TPM4: variants seen among roughly 807,000 people sequenced by gnomAD.
TPM4 encodes the protein tropomyosin 4, also known as tropomyosin alpha-4 chain.
In TPM4, 17 loss-of-function variants were observed where a neutral mutation model predicts 35.8. The observed-to-expected ratio is 0.47, with a 90% CI of 0.32 to 0.71. The LOEUF is 0.71. Ranked by LOEUF, TPM4 falls within the 30% of genes least tolerant of loss-of-function variation. The pLI, the probability that TPM4 is intolerant of heterozygous loss-of-function variation, is 0.03. For missense variants in TPM4, 240 were observed against 320.9 expected (o/e 0.75, Z 1.93); for synonymous variants, 120 against 122.9 (o/e 0.98, Z 0.15).
Position 16,067,580 on chromosome 19 carries a change from C to T in TPM4, c.-45C>T. 2 of 1,573,118 alleles carry T rather than the reference C, an allele frequency of 1.3e-6. No homozygotes were observed. Among genetic ancestry groups the T allele is most frequent in the South Asian group, 1.1e-5 (1 of 89,094 alleles). On this transcript the variant is annotated 5_prime_UTR_variant, in exon 2 of 3. Coordinates refer to the TPM4 transcript ENST00000589897. This position sits in a 1 kb window ranked among gnomAD's most constrained non-coding sequence, Gnocchi z 4.1. ...CAGCCCCTGACTGCCGCAGCCCCCA[C>T]AGAGCCCGCCGCGCACCCCACGTCC...
chr19:16,088,055 G>T lies in TPM4; in HGVS notation c.413G>T (p.Gly138Val). The T allele has an allele frequency of 6.2e-7, 1 of 1,612,734 alleles. No individual in the cohort carries two copies. Among genetic ancestry groups the T allele is most frequent in the Non-Finnish European group, 8.5e-7 (1 of 1,179,656 alleles). ...EVARKLVILE[G>V]ELERAEERAE... ...GCTCGTAAGCTGGTCATCCTGGAGG[G>T]TGAGCTGGAGAGGGCAGAGGAGCGT... Residue 138 changes from glycine (G) to valine (V), a missense_variant, in exon 4 of 8, where the codon GGT becomes GTT. Coordinates refer to ENST00000643579, the MANE Select transcript of TPM4 (RefSeq NM_003290.3).
chr19:16,076,080 C>T, upstream of TPM4: 1 of 1,586,798 alleles, frequency 6.3e-7, no homozygotes, highest in Non-Finnish European at 8.6e-7. Flanking sequence ...CCAGAAGAAA[C>T]TAAAAGGGAC....
chr19:16,082,744 C>G (rs1479261031), intron 2 of TPM4, among the ~76,000 whole-genome samples: 1 of 152,050 alleles, frequency 6.6e-6, no homozygotes, highest in Non-Finnish European at 1.5e-5. Context: ...GTGCTCCCAG[C>G]ACTTTGGGAG....
chr19:16,072,772 T>C (rs2090366724), upstream of TPM4, among the ~76,000 whole-genome samples: 1 of 151,514 alleles, frequency 6.6e-6, no homozygotes, highest in Non-Finnish European at 1.5e-5. Context: ...CTGGGCTTGG[T>C]GGCATGAGCC....
At chr19:16,074,147 C>CT (rs2090382685), upstream of TPM4, 1 of 151,716 alleles carries the variant, frequency 6.6e-6, no homozygotes, top group African/African-American at 2.4e-5. Context: ...GGCACAGCAG[C>CT]TTTTTTAACA....
intron 2 of TPM4, among the ~76,000 whole-genome samples, chr19:16,068,637 ATGTC>A (rs1487038098): frequency 2.6e-5 from 4 of 151,822 alleles, no homozygotes; most frequent in Non-Finnish European, 5.9e-5. Flanking sequence ...ATTTCTGCAC[ATGTC>A]TGTGTGTGTA....
intron 1 of TPM4, 133 bp downstream of exon 1, chr19:16,076,830 C>T (rs1397760938): frequency 9.5e-6 from 12 of 1,262,312 alleles, no homozygotes; most frequent in Non-Finnish European, 1.2e-5. Context: ...ACGCCGATCG[C>T]CGACCCACAT....
rs776380835 is a variant in TPM4 at position 16,101,333 on chromosome 19, T to C, written c.734T>C (p.Leu245Pro). The change falls in exon 8 of 8, where the codon CTT becomes CCT. Residue 245 changes from leucine to proline, a missense_variant. Transcript: ENST00000643579. ...HQTLDQTLNE[L>P]NCI ...ACACTGGATCAGACACTAAACGAAC[T>C]TAACTGTATATAAGCAAAACAGAAG... 1 of 1,601,684 alleles carries C rather than the reference T, an allele frequency of 6.2e-7. No individual in the cohort carries two copies. The highest frequency in any genetic ancestry group is 1.3e-5 in the African/African-American group (1 of 74,286).
chr19:16,083,274 T>C (rs2144933184), intron 2 of TPM4, among the ~76,000 whole-genome samples: 1 of 152,162 alleles, frequency 6.6e-6, no homozygotes, highest in Non-Finnish European at 1.5e-5. Context: ...TGAAACCCCG[T>C]CTCTATTAAA....
chr19:16,098,446 CAAAA>C (rs143342456), intron 7 of TPM4, among the ~76,000 whole-genome samples: 2 of 148,424 alleles, frequency 1.3e-5, no homozygotes, highest in African/African-American at 5.0e-5. Flanking sequence ...GACTCCGCCT[CAAAA>C]AAAAAGAAAA....
In TPM4 at chr19:16,086,550, G is replaced by A. The variant is rs761296881; in HGVS notation, c.384+10G>A. 3.9e-5 allele frequency: 63 copies of A among 1,606,202 alleles called. No individual in the cohort carries two copies. On this transcript the variant is annotated intron_variant, in intron 3 of 7. Coordinates refer to ENST00000643579, the MANE Select transcript of TPM4 (RefSeq NM_003290.3). Reference sequence around the variant, plus strand: ...CCGCAAATACGAGGAGGTGAGTGGGGCTGGCAGATGGCGCAGCAGCAGGAA... The same window carrying A: ...CCGCAAATACGAGGAGGTGAGTGGGACTGGCAGATGGCGCAGCAGCAGGAA...
intron 2 of TPM4, among the ~76,000 whole-genome samples, chr19:16,068,760 TGTGTGA>T (rs1375497063): frequency 6.6e-6 from 1 of 152,204 alleles, no homozygotes; most frequent in Non-Finnish European, 1.5e-5. Context: ...GTTCTGTGTG[TGTGTGA>T]GTGTATCTGT....
Position 16,067,718 on chromosome 19 carries a change from G to T in TPM4, c.94G>T (p.Ala32Ser). Residue 32 changes from alanine (A) to serine (S), a missense_variant, in exon 2 of 3, where the codon GCT becomes TCT. By Grantham distance (99) the Ala-to-Ser change is moderately conservative. Transcript: ENST00000589897. This position sits in a 1 kb window ranked among gnomAD's most constrained non-coding sequence, Gnocchi z 4.1. Reference sequence around the variant, plus strand: ...GCAGGCGGAGGCGGATAAGAAAGCCGCTGAGGACAAGTGCAAGCAGGTGAG... The same window carrying T: ...GCAGGCGGAGGCGGATAAGAAAGCCTCTGAGGACAAGTGCAAGCAGGTGAG... 1 of 1,612,994 alleles carries T rather than the reference G, an allele frequency of 6.2e-7. No individual in the cohort carries two copies. The highest frequency in any genetic ancestry group is 8.5e-7 in the Non-Finnish European group (1 of 1,179,768).
rs2090591938 is a variant in TPM4 at position 16,088,938 on chromosome 19, G to C, written c.456-107G>C. 3 of 1,562,314 alleles carry C rather than the reference G, an allele frequency of 1.9e-6. No homozygotes were observed. The East Asian group carries it at 7.1e-5, about 37-fold the overall frequency. ...CCCACATTCCTTCTGCCCCCCACCG[G>C]GGGAGCTGTGTAGGTTTCTCCTTTG... On this transcript the variant is annotated intron_variant, in intron 4 of 7. Coordinates refer to ENST00000643579, the MANE Select transcript of TPM4 (RefSeq NM_003290.3).
At chr19:16,092,756 G>A (rs530450957) in intron 5 of TPM4, among the ~76,000 whole-genome samples, 1 of 152,078 alleles carries the variant, frequency 6.6e-6, no homozygotes, top group Non-Finnish European at 1.5e-5. Context: ...GGCTGGTCTC[G>A]AACTCCTGAC....
chr19:16,086,219 G>A (rs749070430), intron 2 of TPM4, among the ~76,000 whole-genome samples: 28 of 151,962 alleles, frequency 1.8e-4, no homozygotes, highest in Non-Finnish European at 2.8e-4. Flanking sequence ...ACATGGTGAC[G>A]GGTGCCTGTA....
At chr19:16,087,008 G>A (rs536676481) in intron 3 of TPM4, among the ~76,000 whole-genome samples, 2 of 152,260 alleles carry the variant, frequency 1.3e-5, no homozygotes, top group South Asian at 2.1e-4. Flanking sequence ...AAGGCCAGGC[G>A]CGGTGGCTCG....
At chr19:16,088,235 T>C in intron 4 of TPM4, 138 bp downstream of exon 4, 4 of 1,427,230 alleles carry the variant, frequency 2.8e-6, no homozygotes, top group Non-Finnish European at 3.8e-6. Context: ...GGCTCATCTT[T>C]TCTCTTGGCT....
chr19:16,088,426 C>T, intron 4 of TPM4: 3 of 1,169,944 alleles, frequency 2.6e-6, no homozygotes, highest in Non-Finnish European at 3.2e-6. Context: ...AGAACACTGA[C>T]CTGCTCCAGA....
Sources: allele counts gnomAD v4.1 joint callset (sites outside exome capture counted in the v4.1 genomes callset), GRCh38; gene constraint gnomAD v4.1.1; non-coding constraint Gnocchi (gnomAD v3.1); transcripts MANE v1.5; gene names NCBI Gene and HGNC (gene_info 2026-07-23, HGNC 2026-07-21).